Variants in TIAM1 observed in about 807,000 individuals in gnomAD.
The protein encoded by TIAM1 is rho guanine nucleotide exchange factor TIAM1.
A neutral mutation model predicts 163.5 loss-of-function variants in TIAM1; 65 were observed. That is an observed-to-expected ratio of 0.40 (90% CI 0.33 to 0.49). The LOEUF (loss-of-function observed/expected upper bound fraction) is 0.49, where lower values mean the gene tolerates loss of function less well. Among genes scored for constraint, TIAM1 ranks in the 20% least tolerant of loss-of-function variants. The pLI is 0.77. For missense variants in TIAM1, 1,789 were observed against 2,044.7 expected, an observed-to-expected ratio of 0.87 and a Z score of 2.41; for synonymous variants, 833 against 810.1, an observed-to-expected ratio of 1.03 and a Z score of -0.48.
At chr21:31,337,968 G>A (rs1341625396) in intron 2 of TIAM1, among the ~76,000 whole-genome samples, 2 of 152,256 alleles carry the variant, frequency 1.3e-5, no homozygotes, top group Non-Finnish European at 2.9e-5. Context: ...TTAGGGACTG[G>A]ATTCCCTTTA....
intron 4 of TIAM1, among the ~76,000 whole-genome samples, chr21:31,259,066 G>C (rs993714141): frequency 2.0e-5 from 3 of 151,520 alleles, no homozygotes; most frequent in African/African-American, 7.3e-5. Flanking sequence ...ACATTGTTAT[G>C]ACACAATTTG....
At chr21:31,443,028 T>G (rs2044492407) in intron 2 of TIAM1, among the ~76,000 whole-genome samples, 1 of 152,216 alleles carries the variant, frequency 6.6e-6, no homozygotes, top group Admixed American at 6.5e-5. Flanking sequence ...TACCCAGGAT[T>G]GAAAGCAACT....
chr21:31,376,984 G>A (rs970889253), intron 2 of TIAM1, among the ~76,000 whole-genome samples: 2 of 150,424 alleles, frequency 1.3e-5, no homozygotes, highest in African/African-American at 4.9e-5. Flanking sequence ...TTAGCCTCAC[G>A]AGCAGCTGGG....
chr21:31,329,003 G>C (rs565563334), intron 2 of TIAM1, among the ~76,000 whole-genome samples: 4 of 152,118 alleles, frequency 2.6e-5, no homozygotes, highest in Non-Finnish European at 5.9e-5. Context: ...CTATTACCTA[G>C]CATTTATTTT....
At chr21:31,255,146 C>T (rs1410579211) in intron 4 of TIAM1, among the ~76,000 whole-genome samples, 1 of 152,232 alleles carries the variant, frequency 6.6e-6, no homozygotes, top group Non-Finnish European at 1.5e-5. Context: ...AGGTAAAAGA[C>T]CTGCGGGCCC....
intron 2 of TIAM1, among the ~76,000 whole-genome samples, chr21:31,403,426 C>T (rs145149743): frequency 0.064 from 9,789 of 152,176 alleles, 967 homozygotes; most frequent in African/African-American, 0.21. Flanking sequence ...GGATTACAGG[C>T]GTGAGCCACT....
intron 1 of TIAM1, among the ~76,000 whole-genome samples, chr21:31,547,234 G>T (rs1048520276): frequency 3.4e-4 from 52 of 152,304 alleles, no homozygotes; most frequent in African/African-American, 1.2e-3. Context: ...TCTTTGTCAT[G>T]AAGACTGCAG....
At chr21:31,210,707 GAAAGAAAGAGAAAGAA>G (rs1569033614) in intron 10 of TIAM1, among the ~76,000 whole-genome samples, 6 of 102,134 alleles carry the variant, frequency 5.9e-5, no homozygotes, top group African/African-American at 3.4e-4. Flanking sequence ...GAAAGAAAGA[GAAAGAAAGAGAAAGAA>G]AGAAAGAGAA....
intron 2 of TIAM1, among the ~76,000 whole-genome samples, chr21:31,304,827 G>T (rs2074636499): frequency 6.6e-6 from 1 of 152,146 alleles, no homozygotes; most frequent in African/African-American, 2.4e-5. Flanking sequence ...CAAGTAGCTG[G>T]GAGTACAGGT....
intron 2 of TIAM1, among the ~76,000 whole-genome samples, chr21:31,392,576 A>G (rs55786122): frequency 3.6e-4 from 47 of 128,770 alleles, no homozygotes; most frequent in South Asian, 8.4e-4. Flanking sequence ...GTCTCAAAAA[A>G]AAAAAAAAAA....
intron 2 of TIAM1, among the ~76,000 whole-genome samples, chr21:31,446,084 G>A (rs981527866): frequency 1.3e-5 from 2 of 152,168 alleles, no homozygotes; most frequent in African/African-American, 2.4e-5. Flanking sequence ...GGCATTACAG[G>A]CACCCGCCAC....
chr21:31,222,498 T>C (rs1289225184), intron 8 of TIAM1, among the ~76,000 whole-genome samples: 1 of 151,828 alleles, frequency 6.6e-6, no homozygotes, highest in Admixed American at 6.6e-5. Flanking sequence ...AAGCAATGCA[T>C]ATATGTTCAG....
At chr21:31,124,763 A>G (rs1179401399) in intron 26 of TIAM1, 69 bp from the exon 27 acceptor site, 3 of 1,331,556 alleles carry the variant, frequency 2.3e-6, no homozygotes, top group East Asian at 5.0e-5. Flanking sequence ...TAAGGTTATC[A>G]GGTGCAACCA....
chr21:31,233,038 A>G (rs1279287302), intron 6 of TIAM1, among the ~76,000 whole-genome samples: 1 of 152,250 alleles, frequency 6.6e-6, no homozygotes, highest in Non-Finnish European at 1.5e-5. Flanking sequence ...GGACTTCATT[A>G]TGTATTTAAA....
chr21:31,424,776 C>T (rs1457567162), intron 2 of TIAM1, among the ~76,000 whole-genome samples: 3 of 152,284 alleles, frequency 2.0e-5, no homozygotes, highest in Middle Eastern at 3.4e-3. Flanking sequence ...GATGGGCTGG[C>T]GCAGTGGCTC....
chr21:31,208,221 T>A (rs1055642046), intron 11 of TIAM1, among the ~76,000 whole-genome samples: 1 of 152,188 alleles, frequency 6.6e-6, no homozygotes, highest in Non-Finnish European at 1.5e-5. Flanking sequence ...CACTGATCAA[T>A]CTTCCACCAA....
intron 2 of TIAM1, among the ~76,000 whole-genome samples, chr21:31,444,115 T>C (rs984043085): frequency 2.6e-4 from 40 of 152,198 alleles, no homozygotes; most frequent in Non-Finnish European, 7.3e-5. Context: ...TCCTAACCTC[T>C]GTAGCTCCCA....
intron 9 of TIAM1, among the ~76,000 whole-genome samples, chr21:31,214,103 T>C (rs543497095): frequency 6.6e-6 from 1 of 151,842 alleles, no homozygotes; most frequent in South Asian, 2.1e-4. Context: ...GGCAGGAGGA[T>C]TGCTCCAGCC....
At chr21:31,199,408 C>G (rs985621836) in intron 12 of TIAM1, among the ~76,000 whole-genome samples, 5 of 151,980 alleles carry the variant, frequency 3.3e-5, no homozygotes, top group Admixed American at 2.6e-4. Flanking sequence ...CCCCCACCAT[C>G]TCCTGCATCC....
Sources: gnomAD v4.1 joint callset for allele counts (sites outside exome capture counted in the v4.1 genomes callset) on GRCh38, gnomAD v4.1.1 for gene constraint, MANE v1.5 for transcripts, NCBI Gene and HGNC (gene_info 2026-07-23, HGNC 2026-07-21) for gene names.